Variants in TENM4 observed in about 807,000 individuals in gnomAD.
TENM4 encodes teneurin transmembrane protein 4, also known as teneurin-4.
Under a neutral mutation model 243.3 loss-of-function variants are expected in TENM4, and 82 were observed. The ratio of observed to expected loss-of-function variants is 0.34; its 90% confidence interval spans 0.28 to 0.40. The LOEUF (loss-of-function observed/expected upper bound fraction) is 0.40, where lower values mean the gene tolerates loss of function less well. Ranked by LOEUF, TENM4 falls within the 10% of genes least tolerant of loss-of-function variation. TENM4 has a pLI of 1.00. For synonymous variants in TENM4, 1,412 were observed against 1,456.3 expected (o/e 0.97, Z 0.69); for missense variants, 3,138 against 3,673.3 (o/e 0.85, Z 3.77).
intron 1 of TENM4, among the ~76,000 whole-genome samples, chr11:79,396,534 C>CTGCCTGGCTCAACTGCCTTCCTGGCT (rs1565329095): frequency 6.6e-6 from 1 of 152,156 alleles, no homozygotes; most frequent in African/African-American, 2.4e-5. Context: ...TTCCTGGCTC[C>CTGCCTGGCTCAACTGCCTTCCTGGCT]CAAAGCAGCC....
At chr11:79,130,869 T>C (rs114038588) in intron 4 of TENM4, among the ~76,000 whole-genome samples, 333 of 151,934 alleles carry the variant, frequency 2.2e-3, no homozygotes, top group African/African-American at 7.5e-3. Context: ...GACACACTTA[T>C]CAAAATGCAA....
intron 3 of TENM4, among the ~76,000 whole-genome samples, chr11:79,199,018 C>T (rs1479990952): frequency 6.6e-6 from 1 of 152,058 alleles, no homozygotes; most frequent in African/African-American, 2.4e-5. Context: ...TTAGACGCTG[C>T]AAGTTAGCAG....
chr11:79,286,175 G>T (rs1309047178), intron 2 of TENM4, among the ~76,000 whole-genome samples: 1 of 152,072 alleles, frequency 6.6e-6, no homozygotes, highest in East Asian at 1.9e-4. Context: ...TTTTATTATT[G>T]TTTCCATGTT....
At chr11:78,867,886 T>G (rs1859023039) in intron 9 of TENM4, among the ~76,000 whole-genome samples, 1 of 152,096 alleles carries the variant, frequency 6.6e-6, no homozygotes, top group African/African-American at 2.4e-5. Flanking sequence ...AAGCCAAGCT[T>G]CTTCTTTTAT....
intron 2 of TENM4, among the ~76,000 whole-genome samples, chr11:79,265,937 C>A (rs1358712276): frequency 1.3e-5 from 2 of 152,200 alleles, no homozygotes; most frequent in African/African-American, 2.4e-5. Context: ...CCTTTCTTCT[C>A]ATTTCCTACT....
At chr11:79,360,031 CAA>C (rs946407610) in intron 1 of TENM4, among the ~76,000 whole-genome samples, 2 of 152,186 alleles carry the variant, frequency 1.3e-5, no homozygotes, top group African/African-American at 4.8e-5. Flanking sequence ...TCATCAGCAT[CAA>C]AGTCTCTTCA....
chr11:78,733,181 T>C (rs1329375420), intron 20 of TENM4, among the ~76,000 whole-genome samples: 1 of 152,238 alleles, frequency 6.6e-6, no homozygotes, highest in Non-Finnish European at 1.5e-5. Context: ...AGTTTAAAGA[T>C]GGCTCAATTA....
chr11:78,867,924 C>T (rs1339929893), intron 9 of TENM4, among the ~76,000 whole-genome samples: 2 of 151,802 alleles, frequency 1.3e-5, no homozygotes, highest in African/African-American at 4.8e-5. Context: ...GAAGATAAAG[C>T]CAGCAGCAAA....
intron 23 of TENM4, 141 bp downstream of exon 23, chr11:78,725,938 G>A (rs1855500310): frequency 2.6e-6 from 3 of 1,160,598 alleles, no homozygotes; most frequent in African/African-American, 1.5e-5. Context: ...AGGTCTTCAA[G>A]CAATATCTGT....
At chr11:78,943,116 A>T (rs1310814870) in intron 6 of TENM4, among the ~76,000 whole-genome samples, 3 of 152,202 alleles carry the variant, frequency 2.0e-5, no homozygotes, top group African/African-American at 7.2e-5. Flanking sequence ...CTTCAACTCG[A>T]TATCCTTAAT....
chr11:79,047,084 T>C (rs1859676845), intron 6 of TENM4, among the ~76,000 whole-genome samples: 1 of 152,088 alleles, frequency 6.6e-6, no homozygotes, highest in Non-Finnish European at 1.5e-5. Context: ...TGTGAAAAGG[T>C]TTCACGGCAT....
chr11:79,336,580 T>C lies in TENM4; in HGVS notation c.-320-39037A>G, dbSNP rs1157959815. On this transcript the variant is annotated intron_variant, in intron 1 of 33. Coordinates refer to ENST00000278550, the MANE Select transcript of TENM4 (RefSeq NM_001098816.3). ...TCTAGAGAGCCAGGATTGGGCTCCA[T>C]TTGCTTTCTATCACTTTGGGCAAAT... Among the ~76,000 whole-genome samples, 4 of 152,214 alleles carry C rather than the reference T, an allele frequency of 2.6e-5. No individual in the cohort carries two copies. In the East Asian group the frequency reaches 7.7e-4, roughly 29 times the overall value.
At chr11:79,071,123 C>G (rs1860404656) in intron 4 of TENM4, among the ~76,000 whole-genome samples, 2 of 152,228 alleles carry the variant, frequency 1.3e-5, no homozygotes, top group African/African-American at 4.8e-5. Context: ...CACCCTCTTT[C>G]TCCCTCCAAA....
Position 78,903,426 on chromosome 11 carries a change from A to G in TENM4, c.591T>C (p.Ile197=). Residue 197 remains isoleucine, a synonymous_variant, in exon 7 of 34, where the codon ATT becomes ATC. Transcript: ENST00000278550. Reference sequence around the variant, plus strand: ...TGAAGTTGCCCCGGTTCAGGGAGTTAATGGAGGCCGCGTGGTGCTGGTTGG... The same window carrying G: ...TGAAGTTGCCCCGGTTCAGGGAGTTGATGGAGGCCGCGTGGTGCTGGTTGG... ...HTPNQHHAAS[I]NSLNRGNFTP... is the part of the protein sequence containing the mutation. 1 of 1,546,814 alleles carries G rather than the reference A, an allele frequency of 6.5e-7. No individual in the cohort carries two copies.
intron 2 of TENM4, among the ~76,000 whole-genome samples, chr11:79,290,021 C>T (rs2135379993): frequency 6.6e-6 from 1 of 151,804 alleles, no homozygotes; most frequent in Non-Finnish European, 1.5e-5. Flanking sequence ...GTCTTGAACT[C>T]CTGACCTCAG....
intron 6 of TENM4, among the ~76,000 whole-genome samples, chr11:78,957,633 G>T (rs1857234969): frequency 6.6e-6 from 1 of 152,182 alleles, no homozygotes; most frequent in Non-Finnish European, 1.5e-5. Context: ...ACCTGAGAAA[G>T]TCAATGAAAC....
intron 1 of TENM4, among the ~76,000 whole-genome samples, chr11:79,301,711 G>A (rs1411757579): frequency 6.6e-6 from 1 of 152,132 alleles, no homozygotes; most frequent in Non-Finnish European, 1.5e-5. Context: ...TGGATCGTGG[G>A]GTGGATTCTC....
At chr11:78,709,722 C>T (rs1859353215) in intron 26 of TENM4, among the ~76,000 whole-genome samples, 1 of 152,212 alleles carries the variant, frequency 6.6e-6, no homozygotes, top group Non-Finnish European at 1.5e-5. Flanking sequence ...CTGAGAACCA[C>T]TCCACTGTAT....
chr11:78,979,074 A>T (rs1285995978), intron 6 of TENM4, among the ~76,000 whole-genome samples: 1 of 152,200 alleles, frequency 6.6e-6, no homozygotes, highest in Non-Finnish European at 1.5e-5. Context: ...TGCAAGCCAA[A>T]TTCTCAGTGT....
Sources: allele counts gnomAD v4.1 joint callset (sites outside exome capture counted in the v4.1 genomes callset), GRCh38; gene constraint gnomAD v4.1.1; transcripts MANE v1.5; gene names NCBI Gene and HGNC (gene_info 2026-07-23, HGNC 2026-07-21).